Variants in STK32A observed in about 807,000 individuals in gnomAD.
The protein encoded by STK32A is serine/threonine-protein kinase 32A.
A neutral mutation model predicts 53.2 loss-of-function variants in STK32A; 41 were observed. The observed-to-expected ratio is 0.77, with a 90% CI of 0.60 to 1.00. The LOEUF is 1.00. STK32A is among the 50% of genes least tolerant of loss of function. The pLI is 0.00. For missense variants in STK32A, 458 were observed against 485.8 expected (o/e 0.94, Z 0.54); for synonymous variants, 166 against 162.8 (o/e 1.02, Z -0.15).
chr5:147,365,861 C>T (rs564723895), intron 8 of STK32A, among the ~76,000 whole-genome samples: 125 of 152,276 alleles, frequency 8.2e-4, no homozygotes, highest in Non-Finnish European at 1.5e-3. Flanking sequence ...GGTATTCTCG[C>T]CTGCCTGGAA....
At chr5:147,367,412 T>G (rs1756807679) in intron 8 of STK32A, among the ~76,000 whole-genome samples, 1 of 152,118 alleles carries the variant, frequency 6.6e-6, no homozygotes, top group African/African-American at 2.4e-5. Context: ...TTATTTTCAC[T>G]CACATCCATG....
chr5:147,376,775 C>T (rs1401503520), intron 11 of STK32A, among the ~76,000 whole-genome samples: 1 of 152,174 alleles, frequency 6.6e-6, no homozygotes, highest in Admixed American at 6.6e-5. Context: ...GGGGCTTCCT[C>T]TCATTCTTTA....
intron 6 of STK32A, among the ~76,000 whole-genome samples, chr5:147,344,900 C>T (rs1451010246): frequency 2.0e-5 from 3 of 152,304 alleles, no homozygotes; most frequent in Admixed American, 6.5e-5. Context: ...GTTTTCATCC[C>T]AGGTCTCATC....
At chr5:147,333,520 G>A (rs1044086097) in intron 5 of STK32A, among the ~76,000 whole-genome samples, 3 of 152,040 alleles carry the variant, frequency 2.0e-5, no homozygotes, top group African/African-American at 7.2e-5. Flanking sequence ...GTTACCAGTG[G>A]GGCAACTTGG....
intron 10 of STK32A, 102 bp from the exon 11 acceptor site, chr5:147,374,988 G>A (rs970863746): frequency 2.8e-6 from 3 of 1,054,182 alleles, no homozygotes; most frequent in Non-Finnish European, 3.9e-6. Flanking sequence ...ATTATTCATG[G>A]ACTGCTCCGT....
At chr5:147,248,763 G>A (rs1462880960) in intron 2 of STK32A, among the ~76,000 whole-genome samples, 2 of 152,184 alleles carry the variant, frequency 1.3e-5, no homozygotes, top group African/African-American at 2.4e-5. Context: ...TGGGGCACGT[G>A]TTTTATAAAA....
rs1561675424 is a variant in STK32A, at chr5:147,260,263, C to CT, written c.53-17861_53-17860insT. On this transcript the variant is annotated intron_variant, in intron 2 of 12. Coordinates refer to ENST00000397936, the MANE Select transcript of STK32A (RefSeq NM_001112724.2). ...CTGTCTCTCTCTCTCTCCTCTCTCTCCCTCTCCCCTCTCTGTCTCTCTCTC... is the reference window on the plus strand; with the variant it reads ...CTGTCTCTCTCTCTCTCCTCTCTCTCTCCTCTCCCCTCTCTGTCTCTCTCTC... 7.5e-3 allele frequency among the ~76,000 whole-genome samples: 971 copies of CT among 130,172 alleles called. 35 individuals carry two copies. The highest frequency in any genetic ancestry group is 0.027 in the African/African-American group (904 of 33,960). The allele number at this position is 130,172 out of a possible 152,430, so 85.4% of individuals were successfully genotyped here.
intron 4 of STK32A, among the ~76,000 whole-genome samples, chr5:147,303,350 C>T (rs150674705): frequency 7.9e-4 from 120 of 152,206 alleles, no homozygotes; most frequent in African/African-American, 2.5e-3. Context: ...GCCTTGAAGG[C>T]GGGGGCTAGC....
intron 4 of STK32A, among the ~76,000 whole-genome samples, chr5:147,308,490 T>C (rs544213402): frequency 2.4e-4 from 36 of 152,310 alleles, no homozygotes; most frequent in Non-Finnish European, 3.7e-4. Flanking sequence ...GATTTACTAA[T>C]AGTGGCAGGT....
chr5:147,330,679 T>C (rs927515739), intron 5 of STK32A, among the ~76,000 whole-genome samples: 2 of 152,204 alleles, frequency 1.3e-5, no homozygotes, highest in Non-Finnish European at 2.9e-5. Context: ...ATGTCTAAGA[T>C]TCTAGGATGA....
intron 2 of STK32A, among the ~76,000 whole-genome samples, chr5:147,264,240 A>G (rs1754709444): frequency 6.6e-6 from 1 of 152,232 alleles, no homozygotes; most frequent in South Asian, 2.1e-4. Context: ...AGAGCCAGGA[A>G]TCTATCCTTA....
At chr5:147,259,664 A>G (rs573206433) in intron 2 of STK32A, among the ~76,000 whole-genome samples, 24 of 152,020 alleles carry the variant, frequency 1.6e-4, no homozygotes, top group South Asian at 4.1e-4. Flanking sequence ...AATAGGGTAC[A>G]CTGTTTTTTC....
intron 7 of STK32A, 130 bp from the exon 8 acceptor site, chr5:147,361,387 C>T (rs979734179): frequency 3.0e-5 from 21 of 703,102 alleles, no homozygotes; most frequent in Middle Eastern, 3.7e-4. Flanking sequence ...AATCTAGCAA[C>T]GGATGATAAA....
chr5:147,271,608 A>T (rs1020462597), intron 2 of STK32A, among the ~76,000 whole-genome samples: 3 of 152,186 alleles, frequency 2.0e-5, no homozygotes, highest in African/African-American at 7.2e-5. Context: ...TCAGCAATGA[A>T]CATCCCTGAG....
chr5:147,313,229 C>T (rs763773649), intron 4 of STK32A, among the ~76,000 whole-genome samples: 12 of 151,890 alleles, frequency 7.9e-5, no homozygotes, highest in Admixed American at 1.3e-4. Context: ...AGAGAGACTC[C>T]GTCTTAAAAA....
rs75443567 is a variant in STK32A at position 147,342,164 on chromosome 5, T to G, written c.435-842T>G. ...TGAAACAGGTTTTGGGAACACATTC[T>G]CAGCCTAGTCAAATAGCTTTCATGC... On this transcript the variant is annotated intron_variant, in intron 5 of 12. Coordinates refer to ENST00000397936, the MANE Select transcript of STK32A (RefSeq NM_001112724.2). Among the ~76,000 whole-genome samples the G allele has an allele frequency of 3.7e-3, 556 of 152,322 alleles. 4 individuals carry two copies. The highest frequency in any genetic ancestry group is 0.011 in the African/African-American group (449 of 41,576).
chr5:147,283,130 C>CTCCAAAAGGAGT (rs1437156990), intron 4 of STK32A, among the ~76,000 whole-genome samples: 7 of 152,232 alleles, frequency 4.6e-5, no homozygotes, highest in African/African-American at 1.7e-4. Flanking sequence ...TGGAAATGAA[C>CTCCAAAAGGAGT]TCCAAAAGGA....
At chr5:147,382,511 T>G (rs1757493047) in intron 11 of STK32A, among the ~76,000 whole-genome samples, 1 of 152,168 alleles carries the variant, frequency 6.6e-6, no homozygotes, top group Non-Finnish European at 1.5e-5. Flanking sequence ...CTTGTTATTT[T>G]TTGTATTGGA....
At position 147,386,312 on chromosome 5, in the gene STK32A, C is replaced by G. The variant is rs1475062388; in HGVS notation, c.*2329C>G. ...CAGATTCTGCTGCAGTCTGGTAACC[C>G]CACGAGTGTCAGGGACTACTTGCAT... On this transcript the variant is annotated 3_prime_UTR_variant, in exon 13 of 13. Coordinates refer to ENST00000397936, the MANE Select transcript of STK32A (RefSeq NM_001112724.2). The G allele has an allele frequency of 1.3e-5, 2 of 152,136 alleles. No individual in the cohort carries two copies. The highest frequency in any genetic ancestry group is 2.9e-5 in the Non-Finnish European group (2 of 68,016). The allele number at this position is 152,136 out of a possible 1,614,324, so 9.4% of individuals were successfully genotyped here. A position where few individuals can be genotyped will look rare whatever the true frequency, so the allele number is the denominator to read the frequency against.
Sources: allele counts gnomAD v4.1 joint callset (sites outside exome capture counted in the v4.1 genomes callset), GRCh38; gene constraint gnomAD v4.1.1; transcripts MANE v1.5; gene names NCBI Gene and HGNC (gene_info 2026-07-23, HGNC 2026-07-21).